UNC5D: variants seen among roughly 807,000 people sequenced by gnomAD.
The protein encoded by UNC5D is unc-5 netrin receptor D.
UNC5D carries 39 observed loss-of-function variants against 105.4 expected under a neutral mutation model. The ratio of observed to expected loss-of-function variants is 0.37; its 90% CI spans 0.29 to 0.48. The LOEUF (loss-of-function observed/expected upper bound fraction) is 0.48, where lower values mean the gene tolerates loss of function less well. Ranked by LOEUF, UNC5D falls within the 20% of genes least tolerant of loss-of-function variation. The pLI is 0.98. For missense variants in UNC5D, 991 were observed against 1,202.4 expected (o/e 0.82, Z 2.60); for synonymous variants, 452 against 450.4 (o/e 1.00, Z -0.04).
In UNC5D at chr8:35,790,218, A is replaced by G. The variant is rs934263887; in HGVS notation, c.2658-141A>G. 95 of 856,512 alleles carry G rather than the reference A, an allele frequency of 1.1e-4. 1 individual carries two copies. The Middle Eastern group carries it at 2.5e-3, about 23-fold the overall frequency. 53.1% of individuals were successfully genotyped at this position (856,512 alleles called of 1,614,324 possible). A position where few individuals can be genotyped will look rare whatever the true frequency, so the allele number is the denominator to read the frequency against. ...GCTGGGATACAAATTAGACTGCCCC[A>G]GACCTGCCTTACTATAGCTTTTTAT... On this transcript the variant is annotated intron_variant, in intron 16 of 16. Transcript: ENST00000404895.
intron 7 of UNC5D, among the ~76,000 whole-genome samples, chr8:35,692,835 G>A (rs142771629): frequency 1.2e-4 from 19 of 152,348 alleles, no homozygotes; most frequent in African/African-American, 3.8e-4. Context: ...CATAGTAGGT[G>A]CTCCTTTTTA....
intron 1 of UNC5D, among the ~76,000 whole-genome samples, chr8:35,289,661 C>A (rs1237750848): frequency 6.6e-6 from 1 of 152,182 alleles, no homozygotes; most frequent in Non-Finnish European, 1.5e-5. Context: ...AACAGGTTAA[C>A]ATCCAAAATA....
At chr8:35,567,808 G>A (rs1027454388) in intron 2 of UNC5D, among the ~76,000 whole-genome samples, 3 of 152,190 alleles carry the variant, frequency 2.0e-5, no homozygotes, top group Non-Finnish European at 4.4e-5. Flanking sequence ...AATCTATGAG[G>A]AATGTAGTAC....
chr8:35,508,766 A>G (rs1442361414), intron 1 of UNC5D, among the ~76,000 whole-genome samples: 1 of 152,164 alleles, frequency 6.6e-6, no homozygotes, highest in Non-Finnish European at 1.5e-5. Flanking sequence ...AATTACACAC[A>G]CTGGTGATAA....
At chr8:35,538,394 AT>A (rs1423253688) in intron 1 of UNC5D, among the ~76,000 whole-genome samples, 19,055 of 87,550 alleles carry the variant, frequency 0.22, 1,943 homozygotes, top group East Asian at 0.38. Flanking sequence ...AAAAAAAATA[AT>A]TATATATATA....
intron 7 of UNC5D, among the ~76,000 whole-genome samples, chr8:35,702,683 C>T (rs1722257118): frequency 1.3e-5 from 2 of 152,154 alleles, no homozygotes; most frequent in Admixed American, 1.3e-4. Flanking sequence ...CTCTCTTGTG[C>T]TCATTGTAGA....
chr8:35,661,110 TA>T lies in UNC5D; in HGVS notation c.571-22426del, dbSNP rs768534730. The stretch of plus-strand genomic sequence containing the variant: ...GAGACCCTATCAGGTTAAGAAAAAT[TA>T]AAAAAAAAAAGACTTATAAATTCCT... On this transcript the variant is annotated intron_variant, in intron 4 of 16. Transcript: ENST00000404895. Among the ~76,000 whole-genome samples, 491 of 142,770 alleles carry T rather than the reference TA, an allele frequency of 3.4e-3. 4 individuals are homozygous for T. The highest frequency in any genetic ancestry group is 0.011 in the Middle Eastern group (3 of 280). The allele number at this position is 142,770 out of a possible 152,430, so 93.7% of individuals were successfully genotyped here.
At chr8:35,374,725 G>C (rs1802601293) in intron 1 of UNC5D, among the ~76,000 whole-genome samples, 1 of 152,124 alleles carries the variant, frequency 6.6e-6, no homozygotes, top group Non-Finnish European at 1.5e-5. Flanking sequence ...GATCTTCATT[G>C]GTTCAGACCT....
chr8:35,318,519 C>T (rs559188964), intron 1 of UNC5D, among the ~76,000 whole-genome samples: 3 of 152,144 alleles, frequency 2.0e-5, no homozygotes, highest in South Asian at 2.1e-4. Context: ...TCTGTTTTAT[C>T]ATCCATAACA....
intron 1 of UNC5D, among the ~76,000 whole-genome samples, chr8:35,521,478 T>C (rs1292388796): frequency 1.3e-5 from 2 of 152,180 alleles, no homozygotes; most frequent in Non-Finnish European, 2.9e-5. Flanking sequence ...GAGTGGTTGA[T>C]GTGTGACAGA....
At chr8:35,783,512 G>A (rs923968211) in intron 16 of UNC5D, among the ~76,000 whole-genome samples, 1 of 152,174 alleles carries the variant, frequency 6.6e-6, no homozygotes, top group Admixed American at 6.5e-5. Context: ...GGCCCTTACA[G>A]ACTCAGAACG....
At chr8:35,788,535 A>G (rs1310177334) in intron 16 of UNC5D, among the ~76,000 whole-genome samples, 1 of 152,192 alleles carries the variant, frequency 6.6e-6, no homozygotes, top group East Asian at 1.9e-4. Context: ...ACAGCATGCC[A>G]TCTTAAAAAG....
At chr8:35,259,506 G>A (rs981365952) in intron 1 of UNC5D, among the ~76,000 whole-genome samples, 5 of 152,128 alleles carry the variant, frequency 3.3e-5, no homozygotes, top group Non-Finnish European at 5.9e-5. Flanking sequence ...GGACTCCAGG[G>A]TGCTATATAT....
intron 1 of UNC5D, among the ~76,000 whole-genome samples, chr8:35,546,762 A>T (rs1441119564): frequency 6.6e-6 from 1 of 152,302 alleles, no homozygotes; most frequent in African/African-American, 2.4e-5. Flanking sequence ...TTAATATGTG[A>T]TTTATTTTAT....
chr8:35,461,007 G>A (rs1808847339), intron 1 of UNC5D, among the ~76,000 whole-genome samples: 1 of 152,178 alleles, frequency 6.6e-6, no homozygotes, highest in Non-Finnish European at 1.5e-5. Context: ...TTTCATGTTT[G>A]CATTTAGGCA....
intron 4 of UNC5D, among the ~76,000 whole-genome samples, chr8:35,615,961 C>T (rs1016828133): frequency 1.3e-5 from 2 of 152,300 alleles, no homozygotes; most frequent in Middle Eastern, 3.4e-3. Flanking sequence ...TTAAAGCTAC[C>T]ATTTGTTGAT....
rs1305432104 is a variant in UNC5D, at chr8:35,471,929, A to C, written c.104-77363A>C. ...AACCATGCAATGACTAAATAAATTA[A>C]ACAAAACAAAATAAGCAGATATCTC... On this transcript the variant is annotated intron_variant, in intron 1 of 16. Transcript: ENST00000404895. Among the ~76,000 whole-genome samples, 4 of 152,288 alleles carry C rather than the reference A, an allele frequency of 2.6e-5. No individual in the cohort carries two copies. The East Asian group carries it at 7.7e-4, about 29-fold the overall frequency.
At chr8:35,324,319 G>A (rs1809986536) in intron 1 of UNC5D, among the ~76,000 whole-genome samples, 1 of 150,348 alleles carries the variant, frequency 6.7e-6, no homozygotes, top group African/African-American at 2.4e-5. Flanking sequence ...CATTTATTGA[G>A]TGCTTCCTAT....
chr8:35,598,051 G>T (rs1414593675), intron 4 of UNC5D, among the ~76,000 whole-genome samples: 6 of 151,982 alleles, frequency 3.9e-5, no homozygotes, highest in African/African-American at 1.2e-4. Flanking sequence ...CTGCTGGAGG[G>T]CTCTTCCCCA....
Sources: allele counts gnomAD v4.1 joint callset (sites outside exome capture counted in the v4.1 genomes callset), GRCh38; gene constraint gnomAD v4.1.1; transcripts MANE v1.5; gene names NCBI Gene and HGNC (gene_info 2026-07-23, HGNC 2026-07-21).